The following SLC44A5 variants were observed in gnomAD, a reference collection of about 807,000 sequenced individuals.
SLC44A5 encodes the protein solute carrier family 44 member 5, also known as choline transporter-like protein 5.
Under a neutral mutation model 101.8 loss-of-function variants are expected in SLC44A5, and 57 were observed. The observed-to-expected ratio is 0.56, with a 90% CI of 0.45 to 0.70. The LOEUF (loss-of-function observed/expected upper bound fraction) is 0.70. SLC44A5 is among the 30% of genes least tolerant of loss of function. The probability of loss-of-function intolerance (pLI) is 0.00; values close to 1 mark genes in which losing one functional copy is unlikely to be tolerated. For synonymous variants in SLC44A5, 281 were observed against 290.9 expected (o/e 0.97, Z 0.35); for missense variants, 737 against 853.1 (o/e 0.86, Z 1.70).
At chr1:75,345,420 G>GA (rs1263791050) in intron 3 of SLC44A5, among the ~76,000 whole-genome samples, 1 of 151,868 alleles carries the variant, frequency 6.6e-6, no homozygotes, top group Non-Finnish European at 1.5e-5. Flanking sequence ...ATAATGGAGG[G>GA]AAAAAAAGTT....
At chr1:75,326,051 A>T (rs1452177213) in intron 4 of SLC44A5, among the ~76,000 whole-genome samples, 1 of 149,218 alleles carries the variant, frequency 6.7e-6, no homozygotes, top group Non-Finnish European at 1.5e-5. Flanking sequence ...ATTTTGAAGC[A>T]TTTTTTATTT....
the SLC44A5 span, among the ~76,000 whole-genome samples, chr1:75,713,950 G>A: frequency 7.9e-3 from 1,189 of 150,478 alleles, 17 homozygotes; most frequent in African/African-American, 0.028. Context: ...GTACAGGTGT[G>A]TGCCACCACA....
At chr1:75,438,633 A>G (rs973750417) in intron 2 of SLC44A5, among the ~76,000 whole-genome samples, 2 of 152,138 alleles carry the variant, frequency 1.3e-5, no homozygotes, top group Admixed American at 6.6e-5. Flanking sequence ...GCTGAACCTC[A>G]GATTCTCAAA....
At chr1:75,390,682 A>T (rs1661725473) in intron 3 of SLC44A5, among the ~76,000 whole-genome samples, 1 of 152,162 alleles carries the variant, frequency 6.6e-6, no homozygotes, top group Non-Finnish European at 1.5e-5. Flanking sequence ...CTAAGCATTA[A>T]AGAAGCATAC....
At chr1:75,684,621 T>G in the SLC44A5 span, among the ~76,000 whole-genome samples, 9 of 152,262 alleles carry the variant, frequency 5.9e-5, no homozygotes, top group Middle Eastern at 6.8e-3. Flanking sequence ...ATCTTAAAGC[T>G]CTGAAATGAT....
intron 1 of SLC44A5, among the ~76,000 whole-genome samples, chr1:75,560,806 CTACTA>C (rs1295393703): frequency 6.6e-6 from 1 of 152,124 alleles, no homozygotes; most frequent in Non-Finnish European, 1.5e-5. Flanking sequence ...TACGAATCAC[CTACTA>C]TATCTGCAAA....
intron 3 of SLC44A5, among the ~76,000 whole-genome samples, chr1:75,394,664 C>G (rs34581340): frequency 0.01 from 1,578 of 152,228 alleles, 10 homozygotes; most frequent in Non-Finnish European, 0.015. Context: ...AGAATGTGTC[C>G]TATGGGTTAA....
chr1:75,286,685 C>T (rs61798666), intron 5 of SLC44A5, among the ~76,000 whole-genome samples: 25,231 of 152,040 alleles, frequency 0.17, 2,334 homozygotes, highest in South Asian at 0.24. Flanking sequence ...GAAATTCTCT[C>T]AGCACTTATT....
At chr1:75,516,705 C>T (rs1669860218) in intron 2 of SLC44A5, among the ~76,000 whole-genome samples, 1 of 152,048 alleles carries the variant, frequency 6.6e-6, no homozygotes, top group Non-Finnish European at 1.5e-5. Context: ...CTACAGGTTC[C>T]CAGCATCCAG....
chr1:75,656,882 C>T, the SLC44A5 span, among the ~76,000 whole-genome samples: 5 of 152,168 alleles, frequency 3.3e-5, no homozygotes, highest in Non-Finnish European at 7.3e-5. Flanking sequence ...GGCATGGTGG[C>T]TCATGCCTGT....
the SLC44A5 span, among the ~76,000 whole-genome samples, chr1:75,645,609 T>C: frequency 6.6e-6 from 1 of 151,810 alleles, no homozygotes; most frequent in African/African-American, 2.4e-5. Flanking sequence ...TTTCTTTTGC[T>C]GTGCAGAAGC....
the SLC44A5 span, among the ~76,000 whole-genome samples, chr1:75,684,653 C>G: frequency 3.3e-5 from 5 of 152,198 alleles, no homozygotes; most frequent in African/African-American, 1.2e-4. Context: ...CCATGTCTCA[C>G]ATCCATGTCA....
At chr1:75,401,718 TG>T (rs1662489409) in intron 2 of SLC44A5, among the ~76,000 whole-genome samples, 1 of 152,104 alleles carries the variant, frequency 6.6e-6, no homozygotes, top group Non-Finnish European at 1.5e-5. Flanking sequence ...TAGATGCCCT[TG>T]TAAACATATA....
At chr1:75,290,301 G>T (rs1432517742) in intron 5 of SLC44A5, among the ~76,000 whole-genome samples, 1 of 152,164 alleles carries the variant, frequency 6.6e-6, no homozygotes, top group Non-Finnish European at 1.5e-5. Flanking sequence ...TCTGGAGCAT[G>T]GCAGGATCCT....
At chr1:75,623,186 A>T in the SLC44A5 span, among the ~76,000 whole-genome samples, 4 of 152,148 alleles carry the variant, frequency 2.6e-5, no homozygotes, top group Non-Finnish European at 4.4e-5. Flanking sequence ...TAAATAGATA[A>T]TTACAAATTG....
chr1:75,462,990 G>A (rs1036015754), intron 2 of SLC44A5, among the ~76,000 whole-genome samples: 1 of 152,270 alleles, frequency 6.6e-6, no homozygotes, highest in Non-Finnish European at 1.5e-5. Context: ...AAGGGAAAAT[G>A]ACAGAGAACT....
the SLC44A5 span, among the ~76,000 whole-genome samples, chr1:75,632,597 A>G: frequency 1.7e-5 from 2 of 114,462 alleles, no homozygotes; most frequent in Admixed American, 8.5e-5. Flanking sequence ...CAGAATGACT[A>G]TCATTCCTGT....
chr1:75,639,526 G>C, the SLC44A5 span, among the ~76,000 whole-genome samples: 2 of 152,026 alleles, frequency 1.3e-5, no homozygotes, highest in South Asian at 4.1e-4. Context: ...CTGTTATTCC[G>C]ATAAGCCTCT....
At chr1:75,689,968 A>G in the SLC44A5 span, among the ~76,000 whole-genome samples, 2 of 152,066 alleles carry the variant, frequency 1.3e-5, no homozygotes, top group Admixed American at 1.3e-4. Flanking sequence ...CACCCTTGGG[A>G]CCCTTAGACC....
Sources: gnomAD v4.1 joint callset for allele counts (sites outside exome capture counted in the v4.1 genomes callset) on GRCh38, gnomAD v4.1.1 for gene constraint, MANE v1.5 for transcripts, NCBI Gene and HGNC (gene_info 2026-07-23, HGNC 2026-07-21) for gene names.